Variants in ZGRF1 observed in about 807,000 individuals in gnomAD.
The protein encoded by ZGRF1 is zinc finger GRF-type containing 1.
A neutral mutation model predicts 203.5 loss-of-function variants in ZGRF1; 196 were observed. That is an observed-to-expected ratio of 0.96 (90% CI 0.86 to 1.08). ZGRF1 has a LOEUF of 1.08. ZGRF1 is among the 50% of genes least tolerant of loss of function. The probability of loss-of-function intolerance (pLI) is 0.00; values close to 1 mark genes in which losing one functional copy is unlikely to be tolerated. For synonymous variants in ZGRF1, 809 were observed against 841.3 expected (o/e 0.96, Z 0.66); for missense variants, 2,326 against 2,416.3 (o/e 0.96, Z 0.78).
chr4:112,586,226 T>A (rs1041522181), intron 13 of ZGRF1, among the ~76,000 whole-genome samples: 2 of 145,260 alleles, frequency 1.4e-5, no homozygotes, highest in African/African-American at 2.5e-5. Flanking sequence ...GGCAACATAG[T>A]GAGATCCTGT....
chr4:112,598,866 C>G (rs561412254), intron 10 of ZGRF1, among the ~76,000 whole-genome samples: 5 of 151,986 alleles, frequency 3.3e-5, no homozygotes, highest in African/African-American at 1.2e-4. Flanking sequence ...GCCTGGGCAA[C>G]ATGGTAAAAC....
chr4:112,543,606 G>A (rs1738138521), intron 24 of ZGRF1, among the ~76,000 whole-genome samples: 1 of 152,150 alleles, frequency 6.6e-6, no homozygotes, highest in South Asian at 2.1e-4. Flanking sequence ...AGAACAGTGT[G>A]CAGAGTACAC....
intron 16 of ZGRF1, among the ~76,000 whole-genome samples, chr4:112,575,723 C>A (rs1745069779): frequency 6.6e-6 from 1 of 152,198 alleles, no homozygotes; most frequent in Non-Finnish European, 1.5e-5. Flanking sequence ...AGGAGCTAGG[C>A]CAGGGGAAGG....
At chr4:112,624,134 C>T (rs372582044) in intron 3 of ZGRF1, among the ~76,000 whole-genome samples, 35 of 149,164 alleles carry the variant, frequency 2.3e-4, no homozygotes, top group African/African-American at 3.5e-4. Flanking sequence ...TTTGTTCTTT[C>T]GCTCTTCGCA....
intron 16 of ZGRF1, among the ~76,000 whole-genome samples, chr4:112,569,853 AAG>A (rs1743883071): frequency 6.6e-6 from 1 of 152,124 alleles, no homozygotes; most frequent in African/African-American, 2.4e-5. Context: ...AAAATGAAAA[AAG>A]ACTTATGAAA....
At chr4:112,583,675 G>A (rs1291372826) in intron 15 of ZGRF1, among the ~76,000 whole-genome samples, 2 of 152,006 alleles carry the variant, frequency 1.3e-5, no homozygotes, top group African/African-American at 2.4e-5. Flanking sequence ...ATGGTGGCAT[G>A]TGCCTGAAGT....
intron 1 of ZGRF1, among the ~76,000 whole-genome samples, chr4:112,634,230 T>TGCC (rs2047504711): frequency 6.6e-6 from 1 of 152,152 alleles, no homozygotes; most frequent in Non-Finnish European, 1.5e-5. Flanking sequence ...AAACAGTAAT[T>TGCC]TTAATAAAAT....
chr4:112,618,178 C>T lies in ZGRF1; in HGVS notation c.1864G>A (p.Asp622Asn). The T allele has an allele frequency of 3.1e-6, 5 of 1,613,684 alleles. No individual in the cohort carries two copies. The highest frequency in any genetic ancestry group is 2.7e-5 in the African/African-American group (2 of 75,018). ...TTTTCAGTTTTACATATTCCCATGT[C>T]AAAACCCACATAAGTTTTATCACAA... is the stretch of plus-strand genomic sequence containing the variant. ...QFCDKTYVGF[D>N]MGICKTENTG... Residue 622 changes from aspartate (D) to asparagine (N), a missense_variant, in exon 6 of 28, where the codon GAC becomes AAC. Coordinates refer to ENST00000505019, the MANE Select transcript of ZGRF1 (RefSeq NM_018392.5).
chr4:112,561,689 T>C (rs1742007272), intron 18 of ZGRF1, among the ~76,000 whole-genome samples: 1 of 152,116 alleles, frequency 6.6e-6, no homozygotes. Flanking sequence ...GATATGGCTA[T>C]ATCGAGAATA....
intron 16 of ZGRF1, among the ~76,000 whole-genome samples, chr4:112,570,936 C>T (rs1038547336): frequency 8.5e-5 from 13 of 152,168 alleles, no homozygotes; most frequent in African/African-American, 2.4e-4. Context: ...AACCCTGTCT[C>T]TACTAAAAAT....
chr4:112,624,666 G>A (rs2047172070), intron 3 of ZGRF1, among the ~76,000 whole-genome samples: 1 of 151,234 alleles, frequency 6.6e-6, no homozygotes, highest in Admixed American at 6.6e-5. Context: ...AGGGGTAAGG[G>A]GGGAAAAAGG....
chr4:112,625,011 G>C (rs1327166195), intron 3 of ZGRF1, among the ~76,000 whole-genome samples: 1 of 152,116 alleles, frequency 6.6e-6, no homozygotes, highest in Non-Finnish European at 1.5e-5. Flanking sequence ...TTGGTACACG[G>C]CTCATGGTGT....
At chr4:112,632,667 T>TA (rs1031319078) in intron 2 of ZGRF1, among the ~76,000 whole-genome samples, 3 of 152,368 alleles carry the variant, frequency 2.0e-5, no homozygotes, top group Admixed American at 2.0e-4. Flanking sequence ...CTTTAACTTC[T>TA]AATATGAAAA....
chr4:112,612,591 G>A lies in ZGRF1; in HGVS notation c.2603-3C>T, dbSNP rs2046725929. ...TACTGTAATAAATGGTTTCCTCACT[G>A]TAATGGAGAAAAGAAATAATCATAT... On this transcript the variant is annotated splice_polypyrimidine_tract_variant and splice_region_variant and intron_variant, in intron 6 of 27. Transcript: ENST00000505019. 1.9e-6 allele frequency: 3 copies of A among 1,577,892 alleles called. No homozygotes were observed. The South Asian group carries it at 3.4e-5, about 18-fold the overall frequency.
In ZGRF1 at chr4:112,558,820, C is replaced by T. The variant is rs78545947; in HGVS notation, c.4961-511G>A. Among the ~76,000 whole-genome samples, 36 of 152,314 alleles carry T rather than the reference C, an allele frequency of 2.4e-4. 1 individual carries two copies. The East Asian group carries it at 6.9e-3, about 29-fold the overall frequency. On this transcript the variant is annotated intron_variant, in intron 19 of 27. Transcript: ENST00000505019. Reference sequence around the variant, plus strand: ...CCACTTTTAATGAGACCAGCGCCTACTTAAAATGATAAACAAGGAATAATT... The same window carrying T: ...CCACTTTTAATGAGACCAGCGCCTATTTAAAATGATAAACAAGGAATAATT...
intron 16 of ZGRF1, among the ~76,000 whole-genome samples, chr4:112,572,208 A>G (rs1744330838): frequency 6.6e-6 from 1 of 152,262 alleles, no homozygotes; most frequent in Non-Finnish European, 1.5e-5. Flanking sequence ...ACAGGCACAC[A>G]AACCAATAGA....
At chr4:112,550,876 C>CTG (rs1739825065) in intron 22 of ZGRF1, among the ~76,000 whole-genome samples, 1 of 152,066 alleles carries the variant, frequency 6.6e-6, no homozygotes, top group Admixed American at 6.6e-5. Flanking sequence ...TTTTAGAAGT[C>CTG]TACAGTAGTG....
chr4:112,567,696 CA>C lies in ZGRF1; in HGVS notation c.4439-4423del, dbSNP rs755764582. ...ATCCCAACACTTTAGGAGGCTGAGT[CA>C]GGGGGATAACTTAAGCCCACGAGTT... On this transcript the variant is annotated intron_variant, in intron 16 of 27. Transcript: ENST00000505019. Among the ~76,000 whole-genome samples, 5 of 152,264 alleles carry C rather than the reference CA, an allele frequency of 3.3e-5. No homozygotes were observed. The South Asian group carries it at 6.2e-4, about 19-fold the overall frequency.
chr4:112,604,579 A>G (rs1750490758), intron 9 of ZGRF1, among the ~76,000 whole-genome samples: 1 of 152,224 alleles, frequency 6.6e-6, no homozygotes, highest in Admixed American at 6.5e-5. Context: ...GAAAGAATGC[A>G]AACAGCATTT....
Sources: gnomAD v4.1 joint callset for allele counts (sites outside exome capture counted in the v4.1 genomes callset) on GRCh38, gnomAD v4.1.1 for gene constraint, MANE v1.5 for transcripts, NCBI Gene and HGNC (gene_info 2026-07-23, HGNC 2026-07-21) for gene names.